Variants in SORCS2 observed in about 807,000 individuals in gnomAD.
SORCS2 encodes sortilin related VPS10 domain containing receptor 2.
A neutral mutation model predicts 141.6 loss-of-function variants in SORCS2; 100 were observed. The ratio of observed to expected loss-of-function variants is 0.71; its 90% CI spans 0.60 to 0.83. The LOEUF is 0.83. SORCS2 is among the 40% of genes least tolerant of loss of function. SORCS2 has a pLI of 0.00. For missense variants in SORCS2, 1,646 were observed against 1,560.2 expected (o/e 1.05, Z -0.93); for synonymous variants, 789 against 676.9 (o/e 1.17, Z -2.57).
In SORCS2 at chr4:7,712,782, G is replaced by A. The variant is rs758303004; in HGVS notation, c.1918G>A (p.Asp640Asn). Residue 640 changes from aspartate to asparagine, a missense_variant, in exon 15 of 27, where the codon GAC (aspartate) becomes AAC (asparagine). Physicochemically the swap from Asp to Asn is conservative, Grantham distance 23. Coordinates refer to ENST00000507866, the MANE Select transcript of SORCS2 (RefSeq NM_020777.3). ...FRSDWELVKV[D>N]FRPSFSRQCG... ...CTCCGATTGGGAGCTGGTCAAGGTG[G>A]ACTTCCGGCCCTCATTCTCCAGGCA... 2 of 1,613,900 alleles carry A rather than the reference G, an allele frequency of 1.2e-6. No homozygotes were observed. The highest frequency in any genetic ancestry group is 1.1e-5 in the South Asian group (1 of 91,078).
At position 7,308,192 on chromosome 4, in the gene SORCS2, C is replaced by G. The variant is rs577656736; in HGVS notation, c.481-88096C>G. On this transcript the variant is annotated intron_variant, in intron 1 of 26. Transcript: ENST00000507866. ...TTCTTGACTCCACCCCAGGCCGAGT[C>G]CCTGCGTGAAACTCCTTTAGGGATC... Among the ~76,000 whole-genome samples, 4 of 152,258 alleles carry G rather than the reference C, an allele frequency of 2.6e-5. No homozygotes were observed. In the South Asian group the frequency reaches 8.3e-4, roughly 32 times the overall value.
Position 7,654,079 on chromosome 4 carries a change from G to A in SORCS2, c.814-55G>A, listed in dbSNP as rs1721602012. 5 of 1,458,962 alleles carry A rather than the reference G, an allele frequency of 3.4e-6. No individual in the cohort carries two copies. In the South Asian group the frequency reaches 3.7e-5, roughly 11 times the overall value. The allele number at this position is 1,458,962 out of a possible 1,614,324, so 90.4% of individuals were successfully genotyped here. ...GTGAAGACATCACCCTCTCTCAGAA[G>A]CAGCTTATTCCTGACGTCCTGACCA... On this transcript the variant is annotated intron_variant, in intron 4 of 26. Coordinates refer to ENST00000507866, the MANE Select transcript of SORCS2 (RefSeq NM_020777.3).
At chr4:7,631,082 G>A (rs1719862209) in intron 3 of SORCS2, among the ~76,000 whole-genome samples, 1 of 146,026 alleles carries the variant, frequency 6.8e-6, no homozygotes, top group Non-Finnish European at 1.5e-5. Flanking sequence ...GGAGAGTTGA[G>A]AGTTAGGATA....
At chr4:7,597,269 C>T (rs181181832) in intron 3 of SORCS2, among the ~76,000 whole-genome samples, 16 of 141,810 alleles carry the variant, frequency 1.1e-4, no homozygotes, top group Non-Finnish European at 1.5e-4. Context: ...GGAGGGACTA[C>T]GCAATAGAGG....
At chr4:7,513,648 A>C (rs1483908919) in intron 2 of SORCS2, among the ~76,000 whole-genome samples, 1 of 152,144 alleles carries the variant, frequency 6.6e-6, no homozygotes, top group Non-Finnish European at 1.5e-5. Context: ...GGATCCCTGC[A>C]GTACCCCAAA....
chr4:7,629,897 C>T (rs138344187), intron 3 of SORCS2, among the ~76,000 whole-genome samples: 8 of 152,258 alleles, frequency 5.3e-5, no homozygotes, highest in African/African-American at 1.7e-4. Flanking sequence ...TGACCCAAGC[C>T]TGAAACTTAG....
intron 5 of SORCS2, among the ~76,000 whole-genome samples, chr4:7,658,835 C>T (rs957255198): frequency 2.6e-5 from 4 of 152,206 alleles, no homozygotes; most frequent in African/African-American, 9.6e-5. Context: ...GGATGGGAAA[C>T]TGTCAGTGGT....
intron 2 of SORCS2, among the ~76,000 whole-genome samples, chr4:7,436,900 G>A (rs1335199070): frequency 4.6e-5 from 7 of 152,172 alleles, no homozygotes; most frequent in Non-Finnish European, 8.8e-5. Context: ...TTGGGCATGC[G>A]TCGTGTGTGT....
At chr4:7,425,392 C>G (rs1726360463) in intron 2 of SORCS2, among the ~76,000 whole-genome samples, 1 of 152,228 alleles carries the variant, frequency 6.6e-6, no homozygotes, top group South Asian at 2.1e-4. Context: ...GGTGCACTCG[C>G]TTCTGCTGTC....
intron 1 of SORCS2, among the ~76,000 whole-genome samples, chr4:7,257,915 C>T (rs1443878316): frequency 6.6e-6 from 1 of 152,190 alleles, no homozygotes; most frequent in Non-Finnish European, 1.5e-5. Context: ...GCAACTTTCT[C>T]TTTGAGGTCT....
intron 2 of SORCS2, among the ~76,000 whole-genome samples, chr4:7,509,055 G>A (rs1732448367): frequency 6.6e-6 from 1 of 152,210 alleles, no homozygotes; most frequent in African/African-American, 2.4e-5. Context: ...CCATTCATCT[G>A]AGTGCAGACA....
At chr4:7,588,872 A>T (rs1045390084) in intron 3 of SORCS2, among the ~76,000 whole-genome samples, 2 of 152,104 alleles carry the variant, frequency 1.3e-5, no homozygotes, top group Non-Finnish European at 2.9e-5. Flanking sequence ...TGGTTTGGTT[A>T]TTTTTCTAAG....
At chr4:7,553,314 G>GA (rs60902225) in intron 3 of SORCS2, among the ~76,000 whole-genome samples, 15 of 149,062 alleles carry the variant, frequency 1.0e-4, no homozygotes, top group African/African-American at 2.7e-4. Context: ...TGAGAGGGGG[G>GA]AAAAAAAACC....
At chr4:7,594,263 T>C (rs939464116) in intron 3 of SORCS2, among the ~76,000 whole-genome samples, 1 of 152,164 alleles carries the variant, frequency 6.6e-6, no homozygotes, top group Non-Finnish European at 1.5e-5. Context: ...CTGTGGCAGG[T>C]CCCGCGATCA....
chr4:7,540,962 C>T (rs1214749863), intron 3 of SORCS2, among the ~76,000 whole-genome samples: 1 of 152,226 alleles, frequency 6.6e-6, no homozygotes. Flanking sequence ...AGGTCAGAGC[C>T]AGTGCGTGAG....
At chr4:7,416,370 G>A (rs537136213) in intron 2 of SORCS2, among the ~76,000 whole-genome samples, 2 of 152,284 alleles carry the variant, frequency 1.3e-5, no homozygotes, top group East Asian at 3.9e-4. Flanking sequence ...ACACAGTTGA[G>A]TGCAAAGTCC....
intron 1 of SORCS2, among the ~76,000 whole-genome samples, chr4:7,246,930 T>C (rs1218017808): frequency 6.6e-6 from 1 of 152,254 alleles, no homozygotes; most frequent in Admixed American, 6.5e-5. Flanking sequence ...GTCCAGGCTC[T>C]ACCCGCTTGC....
chr4:7,636,317 C>CT (rs1720252196), intron 3 of SORCS2, among the ~76,000 whole-genome samples: 1 of 152,250 alleles, frequency 6.6e-6, no homozygotes, highest in African/African-American at 2.4e-5. Flanking sequence ...ACCCGCATCT[C>CT]TGCGGCGCCC....
At chr4:7,649,703 A>G (rs1035538034) in intron 4 of SORCS2, among the ~76,000 whole-genome samples, 3 of 152,070 alleles carry the variant, frequency 2.0e-5, no homozygotes, top group Admixed American at 6.5e-5. Flanking sequence ...GCGGGCTTCC[A>G]GGAGGAGGGG....
Sources: allele counts gnomAD v4.1 joint callset (sites outside exome capture counted in the v4.1 genomes callset), GRCh38; gene constraint gnomAD v4.1.1; transcripts MANE v1.5; gene names NCBI Gene and HGNC (gene_info 2026-07-23, HGNC 2026-07-21).